Variants in NFASC observed in about 807,000 individuals in gnomAD.
NFASC encodes the protein neurofascin homolog.
In NFASC, 43 loss-of-function variants were observed where a neutral mutation model predicts 147.5. The observed-to-expected ratio is 0.29, with a 90% CI of 0.23 to 0.38. The LOEUF is 0.38. Among genes scored for constraint, NFASC ranks in the 10% least tolerant of loss-of-function variants. NFASC has a pLI of 1.00. For missense variants in NFASC, 1,320 were observed against 1,689.0 expected (o/e 0.78, Z 3.83); for synonymous variants, 622 against 665.5 (o/e 0.93, Z 1.01).
At chr1:204,939,038 A>ATG (rs60166382) in intron 2 of NFASC, among the ~76,000 whole-genome samples, 8,679 of 123,434 alleles carry the variant, frequency 0.07, 475 homozygotes, top group East Asian at 0.16. Context: ...GTATGGATGG[A>ATG]TGTGTGTGTG....
chr1:205,009,625 C>T lies in NFASC; in HGVS notation c.3358C>T (p.Leu1120Phe). The T allele has an allele frequency of 6.2e-7, 1 of 1,614,170 alleles. No homozygotes were observed. The highest frequency in any genetic ancestry group is 8.5e-7 in the Non-Finnish European group (1 of 1,180,030). ...WFIGLMCAIA[L>F]LVLILLIVCF... ...CATTGGGCTTATGTGCGCCATCGCCCTCCTGGTGCTGATCCTGCTCATCGT... is the reference window on the plus strand; with the variant it reads ...CATTGGGCTTATGTGCGCCATCGCCTTCCTGGTGCTGATCCTGCTCATCGT... The change falls in exon 28 of 30, where the codon CTC becomes TTC. Residue 1120 changes from leucine (L) to phenylalanine (F), a missense_variant. Around this residue, in one of 3 missense-constraint regions of NFASC, gnomAD observed 167 missense variants for 233.8 expected, o/e 0.71. Coordinates refer to ENST00000339876, the MANE Select transcript of NFASC (RefSeq NM_001005388.3).
At chr1:204,843,940 G>A (rs995435024) in intron 1 of NFASC, among the ~76,000 whole-genome samples, 2 of 152,074 alleles carry the variant, frequency 1.3e-5, no homozygotes, top group African/African-American at 4.8e-5. Context: ...GTTTCTCCAC[G>A]TTGGTCGGGC....
rs1408156108 is a variant in NFASC, at chr1:204,973,333, C to T, written c.1193C>T (p.Thr398Ile). 2.5e-6 allele frequency: 4 copies of T among 1,614,132 alleles called. No homozygotes were observed. In the Admixed American group the frequency reaches 5.0e-5, roughly 20 times the overall value. The stretch of plus-strand genomic sequence containing the variant: ...GGAGACACCATCATCTTCCGGGACA[C>T]CCAGATCAGCAGCAGGGCTGTGTAC... Reference protein sequence around the residue: ...VAGDTIIFRDTQISSRAVYQC... With the variant: ...VAGDTIIFRDIQISSRAVYQC... Residue 398 changes from threonine (T) to isoleucine (I), a missense_variant, in exon 12 of 30, where the codon ACC becomes ATC. Coordinates refer to ENST00000339876, the MANE Select transcript of NFASC (RefSeq NM_001005388.3).
intron 22 of NFASC, among the ~76,000 whole-genome samples, chr1:204,988,298 T>C (rs1211028667): frequency 6.6e-6 from 1 of 152,232 alleles, no homozygotes; most frequent in African/African-American, 2.4e-5. Context: ...GTCCTAGTTC[T>C]GTTTGAAAGG....
intron 25 of NFASC, chr1:204,997,648 C>A: frequency 1.7e-6 from 1 of 589,366 alleles, no homozygotes. Context: ...CTCCACCACT[C>A]AGTACCCCAA....
intron 8 of NFASC, among the ~76,000 whole-genome samples, chr1:204,964,971 T>C (rs1198940127): frequency 1.3e-5 from 2 of 152,210 alleles, no homozygotes; most frequent in Non-Finnish European, 2.9e-5. Flanking sequence ...TCTCCTGTTG[T>C]CTGCTAGCTG....
At chr1:205,008,010 C>T (rs2096164302) in intron 27 of NFASC, among the ~76,000 whole-genome samples, 1 of 152,170 alleles carries the variant, frequency 6.6e-6, no homozygotes, top group Non-Finnish European at 1.5e-5. Flanking sequence ...TCATGGTACT[C>T]ACAAGCCTTG....
intron 1 of NFASC, among the ~76,000 whole-genome samples, chr1:204,915,325 G>A (rs2149374720): frequency 6.6e-6 from 1 of 152,220 alleles, no homozygotes; most frequent in East Asian, 1.9e-4. Context: ...AGTTTTATAT[G>A]AATGAATATA....
At chr1:204,960,925 C>A (rs1034066341) in intron 8 of NFASC, among the ~76,000 whole-genome samples, 7 of 152,210 alleles carry the variant, frequency 4.6e-5, no homozygotes, top group Non-Finnish European at 8.8e-5. Context: ...CAATGCCAGT[C>A]CCAGAAAAGG....
intron 29 of NFASC, among the ~76,000 whole-genome samples, chr1:205,013,401 G>A (rs2096287470): frequency 6.6e-6 from 1 of 152,166 alleles, no homozygotes; most frequent in African/African-American, 2.4e-5. Flanking sequence ...CTCTAGACTG[G>A]AATGGGCCTT....
intron 24 of NFASC, among the ~76,000 whole-genome samples, chr1:204,993,948 G>A (rs953315754): frequency 1.3e-5 from 2 of 152,278 alleles, no homozygotes; most frequent in East Asian, 3.9e-4. Flanking sequence ...ACCTGTACTA[G>A]CCCCCTGACA....
At position 205,016,852 on chromosome 1, in the gene NFASC, C is replaced by G. The variant is rs1574573892; in HGVS notation, c.*313C>G. The G allele has an allele frequency of 2.2e-6, 1 of 450,270 alleles. No individual in the cohort carries two copies. Among genetic ancestry groups the G allele is most frequent in the East Asian group, 4.5e-5 (1 of 22,026 alleles). The allele number at this position is 450,270 out of a possible 1,614,324, so 27.9% of individuals were successfully genotyped here. ...TTCCACCACACTGTCCGCCCTTGGCCTCGGCACACGCTCACCTTTTCTGTT... is the reference window on the plus strand; with the variant it reads ...TTCCACCACACTGTCCGCCCTTGGCGTCGGCACACGCTCACCTTTTCTGTT... On this transcript the variant is annotated 3_prime_UTR_variant, in exon 30 of 30. Coordinates refer to ENST00000339876, the MANE Select transcript of NFASC (RefSeq NM_001005388.3). This position sits in a 1 kb window ranked among gnomAD's most constrained non-coding sequence, Gnocchi z 5.1.
Position 204,944,256 on chromosome 1 carries a change from C to T in NFASC, c.-60C>T, listed in dbSNP as rs753208127. 5.3e-5 allele frequency: 85 copies of T among 1,589,242 alleles called. No homozygotes were observed. The highest frequency in any genetic ancestry group is 6.8e-5 in the Non-Finnish European group (79 of 1,168,810). On this transcript the variant is annotated 5_prime_UTR_variant, in exon 3 of 30. Coordinates refer to ENST00000339876, the MANE Select transcript of NFASC (RefSeq NM_001005388.3). ...TGCTGTCCAGGAGGCCCAGTTAAAG[C>T]GGCTCGAGGTGACAAGACCCCGAGT...
At chr1:205,005,599 T>G (rs1013230681) in intron 27 of NFASC, among the ~76,000 whole-genome samples, 6 of 152,222 alleles carry the variant, frequency 3.9e-5, no homozygotes, top group African/African-American at 1.4e-4. Context: ...TTGAGTATGG[T>G]GTTGACAGTC....
At chr1:204,930,187 T>C (rs529055151) in intron 2 of NFASC, among the ~76,000 whole-genome samples, 1 of 152,002 alleles carries the variant, frequency 6.6e-6, no homozygotes, top group Admixed American at 6.5e-5. Flanking sequence ...ATTCTGAGAG[T>C]CTGTAGAGTG....
chr1:204,942,604 G>A lies in NFASC; in HGVS notation c.-90-1622G>A, dbSNP rs180920361. Among the ~76,000 whole-genome samples, 39 of 151,698 alleles carry A rather than the reference G, an allele frequency of 2.6e-4. 1 individual carries two copies. Among genetic ancestry groups the A allele is most frequent in the East Asian group, 1.2e-3 (6 of 5,080 alleles). ...ATATCACACTGCATCCCATAAATGC[G>A]TACAATTATTATGTGTCAATTAAAA... On this transcript the variant is annotated intron_variant, in intron 2 of 29. Transcript: ENST00000339876.
intron 13 of NFASC, 158 bp downstream of exon 13, chr1:204,974,448 TAC>T (rs2095348981): frequency 1.2e-6 from 1 of 808,162 alleles, no homozygotes; most frequent in Admixed American, 2.1e-5. Flanking sequence ...CTCCTCATTG[TAC>T]AGAATGGGAA....
intron 7 of NFASC, among the ~76,000 whole-genome samples, chr1:204,955,818 G>A (rs895362805): frequency 1.7e-4 from 26 of 151,546 alleles, no homozygotes; most frequent in Admixed American, 1.2e-3. Context: ...CTCCACCTAC[G>A]TACCTGCCAG....
chr1:205,015,509 T>C lies in NFASC; in HGVS notation c.3492-799T>C, dbSNP rs1178097864. Among the ~76,000 whole-genome samples the C allele has an allele frequency of 6.6e-6, 1 of 152,102 alleles. No individual in the cohort carries two copies. Among genetic ancestry groups the C allele is most frequent in the Non-Finnish European group, 1.5e-5 (1 of 68,026 alleles). On this transcript the variant is annotated intron_variant, in intron 29 of 29. Coordinates refer to ENST00000339876, the MANE Select transcript of NFASC (RefSeq NM_001005388.3). The surrounding 1 kb of genome is among the most constrained non-coding windows in gnomAD (Gnocchi z 4.0). ...GCAGACATCCCAACTGGGTGGCTGT[T>C]CCCAGCGGCCCGTGCAGCTTTACTC...
Sources: gnomAD v4.1 joint callset for allele counts (sites outside exome capture counted in the v4.1 genomes callset) on GRCh38, gnomAD v4.1.1 for gene constraint, gnomAD v4.1.1 regional missense constraint, Gnocchi (gnomAD v3.1) non-coding constraint, MANE v1.5 for transcripts, NCBI Gene and HGNC (gene_info 2026-07-23, HGNC 2026-07-21) for gene names.